ATP8B3: variants seen among roughly 807,000 people sequenced by gnomAD.
The protein encoded by ATP8B3 is phospholipid-transporting ATPase IK.
A neutral mutation model predicts 140.9 loss-of-function variants in ATP8B3; 141 were observed. That is an observed-to-expected ratio of 1.00 (90% CI 0.87 to 1.15). ATP8B3 has a LOEUF of 1.15. Ranked by LOEUF, ATP8B3 falls within the 50% of genes most tolerant of loss-of-function variation. ATP8B3 has a pLI of 0.00. For synonymous variants in ATP8B3, 765 were observed against 714.6 expected (o/e 1.07, Z -1.13); for missense variants, 1,874 against 1,740.6 (o/e 1.08, Z -1.36).
rs577773741 is a variant in ATP8B3 at position 1,791,763 on chromosome 19, G to A, written c.2289C>T (p.Thr763=). Reference sequence around the variant, plus strand: ...CCCGGGACTCACCCTGCTTGTCCCCGGTGAGCACCCATATTTTGATGTTGC... The same window carrying A: ...CCCGGGACTCACCCTGCTTGTCCCCAGTGAGCACCCATATTTTGATGTTGC... ...KKSNIKIWVL[T]GDKQETAVNI... Residue 763 remains threonine (T), a synonymous_variant, in exon 20 of 29, where the codon ACC becomes ACT. Coordinates refer to ENST00000310127, the MANE Select transcript of ATP8B3 (RefSeq NM_138813.4). 58 of 1,611,132 alleles carry A rather than the reference G, an allele frequency of 3.6e-5. No individual in the cohort carries two copies. Among genetic ancestry groups the A allele is most frequent in the African/African-American group, 2.1e-4 (16 of 75,008 alleles).
chr19:1,791,351 A>G (rs977271360), intron 20 of ATP8B3, among the ~76,000 whole-genome samples: 3 of 149,928 alleles, frequency 2.0e-5, no homozygotes, highest in Non-Finnish European at 3.0e-5. Context: ...AGCTGAGACC[A>G]CAAGCATGTG....
In ATP8B3 at chr19:1,807,172, T is replaced by A. The variant is rs1336414537; in HGVS notation, c.611A>T (p.Asp204Val). ...GCTGCATCCAACAGCACTCACCATGTCGTCCACCAGGTCCCGGGTGGCACG... is the reference window on the plus strand; with the variant it reads ...GCTGCATCCAACAGCACTCACCATGACGTCCACCAGGTCCCGGGTGGCACG... Reference protein sequence around the residue: ...FIRATRDLVDDMGRHKSDRAI... With the variant: ...FIRATRDLVDVMGRHKSDRAI... Residue 204 changes from aspartate to valine, a missense_variant, in exon 6 of 29, where the codon GAC becomes GTC. Asp to Val is a radical substitution (Grantham distance 152, BLOSUM62 -3). Transcript: ENST00000310127. The surrounding 1 kb of genome is among the most constrained non-coding windows in gnomAD (Gnocchi z 5.9). The A allele has an allele frequency of 6.2e-7, 1 of 1,611,532 alleles. No homozygotes were observed.
At chr19:1,808,195 C>A (rs745342369) in intron 5 of ATP8B3, 27 bp downstream of exon 5, 5 of 1,570,304 alleles carry the variant, frequency 3.2e-6, no homozygotes, top group East Asian at 2.3e-5. Context: ...CTAGGGGGGA[C>A]TTCCTGGAGG....
rs369881219 is a variant in ATP8B3 at position 1,783,180 on chromosome 19, T to C, written c.3751A>G (p.Ser1251Gly). The change falls in exon 29 of 29, where the codon AGC becomes GGC. Residue 1251 changes from serine (S) to glycine (G), a missense_variant. This residue lies in a region of ATP8B3 where 840 missense variants were observed against 760.9 expected (regional missense o/e 1.10). Coordinates refer to ENST00000310127, the MANE Select transcript of ATP8B3 (RefSeq NM_138813.4). Reference protein sequence around the residue: ...VHRESRARRSSYAFSHREGYA... With the variant: ...VHRESRARRSGYAFSHREGYA... ...CCCTCACGGTGGGAGAAAGCATAGC[T>C]GGAACGGCGGGCACGAGACTCCCGG... is the stretch of plus-strand genomic sequence containing the variant. 5.8e-5 allele frequency: 93 copies of C among 1,613,508 alleles called. No homozygotes were observed. Among genetic ancestry groups the C allele is most frequent in the Non-Finnish European group, 7.7e-5 (91 of 1,179,802 alleles).
At chr19:1,804,594 C>A (rs1337733648) in intron 10 of ATP8B3, among the ~76,000 whole-genome samples, 2 of 148,038 alleles carry the variant, frequency 1.4e-5, no homozygotes, top group African/African-American at 2.5e-5. Flanking sequence ...GGCAACAGAG[C>A]GAGACTCCGT....
intron 20 of ATP8B3, 84 bp from the exon 21 acceptor site, chr19:1,790,916 C>T: frequency 8.7e-6 from 11 of 1,262,524 alleles, no homozygotes; most frequent in Non-Finnish European, 1.2e-5. Flanking sequence ...CCGGTGAATC[C>T]TGGCCCGACC....
intron 2 of ATP8B3, among the ~76,000 whole-genome samples, 162 bp from the exon 3 acceptor site, chr19:1,810,845 CTG>C (rs2069168829): frequency 1.3e-5 from 2 of 152,214 alleles, no homozygotes; most frequent in Non-Finnish European, 2.9e-5. Context: ...CAGCCATAGG[CTG>C]TGTGTCTTGC....
Position 1,799,951 on chromosome 19 carries a change from G to T in ATP8B3, c.1548C>A (p.Val516=). 2 of 1,593,958 alleles carry T rather than the reference G, an allele frequency of 1.3e-6. No homozygotes were observed. Among genetic ancestry groups the T allele is most frequent in the South Asian group, 1.1e-5 (1 of 87,930 alleles). ...GCTCAGGTGTCGGGGCCGCACCATAGACGCGGCCGCTGATGCAGCACTTGT... is the reference window on the plus strand; with the variant it reads ...GCTCAGGTGTCGGGGCCGCACCATATACGCGGCCGCTGATGCAGCACTTGT... ...TFNKCCISGR[V]YGPDSEATTR... is the part of the protein sequence containing the mutation. The change falls in exon 14 of 29, where the codon GTC becomes GTA. Residue 516 remains valine, a synonymous_variant. Coordinates refer to ENST00000310127, the MANE Select transcript of ATP8B3 (RefSeq NM_138813.4).
At chr19:1,801,309 G>A (rs970327069) in intron 12 of ATP8B3, among the ~76,000 whole-genome samples, 39 of 151,868 alleles carry the variant, frequency 2.6e-4, no homozygotes, top group Non-Finnish European at 3.5e-4. Context: ...GAGCCACCAC[G>A]CCCAGCTAAT....
chr19:1,785,163 A>C lies in ATP8B3; in HGVS notation c.3528T>G (p.Phe1176Leu), dbSNP rs2068264141. The change falls in exon 27 of 29, where the codon TTT becomes TTG. Residue 1176 changes from phenylalanine to leucine, a missense_variant. Phe to Leu is a conservative substitution (Grantham distance 22). Around this residue, in one of 3 missense-constraint regions of ATP8B3, gnomAD observed 840 missense variants for 760.9 expected, o/e 1.10. Transcript: ENST00000310127. ...LFRVSPTTFPFLYADLSVMSS... is the reference protein window; with the variant it reads ...LFRVSPTTFPLLYADLSVMSS... The stretch of plus-strand genomic sequence containing the variant: ...CACTTCCCCATGGGGGCTCACACAG[A>C]AACGGGAAGGTCGTGGGGGATACTC... 10 of 1,571,512 alleles carry C rather than the reference A, an allele frequency of 6.4e-6. No individual in the cohort carries two copies. The highest frequency in any genetic ancestry group is 8.6e-6 in the Non-Finnish European group (10 of 1,160,238).
chr19:1,786,127 G>A (rs1022690770), intron 25 of ATP8B3, among the ~76,000 whole-genome samples: 13 of 152,078 alleles, frequency 8.5e-5, no homozygotes, highest in African/African-American at 2.7e-4. Context: ...ATGGGACCTC[G>A]TCTACAGAAT....
Position 1,787,162 on chromosome 19 carries a change from C to G in ATP8B3, c.3094G>C (p.Ala1032Pro). 2 of 1,610,730 alleles carry G rather than the reference C, an allele frequency of 1.2e-6. No individual in the cohort carries two copies. Among genetic ancestry groups the G allele is most frequent in the Non-Finnish European group, 1.7e-6 (2 of 1,178,404 alleles). ...GTGCTGTACAGGAGGTTGAAAAGAG[C>G]CAGGAACCATCCTTCATACAGGGGC... ...GQPLYEGWFL[A>P]LFNLLYSTLP... The change falls in exon 25 of 29, where the codon GCT becomes CCT. Residue 1032 changes from alanine (A) to proline (P), a missense_variant. Ala to Pro is a conservative substitution (Grantham distance 27). Coordinates refer to ENST00000310127, the MANE Select transcript of ATP8B3 (RefSeq NM_138813.4).
In ATP8B3 at chr19:1,792,143, C is replaced by A; in HGVS notation, c.2056-8G>T. 1 of 1,566,606 alleles carries A rather than the reference C, an allele frequency of 6.4e-7. No individual in the cohort carries two copies. The highest frequency in any genetic ancestry group is 8.6e-7 in the Non-Finnish European group (1 of 1,164,018). On this transcript the variant is annotated splice_region_variant and splice_polypyrimidine_tract_variant and intron_variant, in intron 18 of 28. Transcript: ENST00000310127. Reference sequence around the variant, plus strand: ...GGTCTCCTGGGCAAAGGCCTGGGGGCCGGGCAGGTGGAAGCTGTCACCATG... The same window carrying A: ...GGTCTCCTGGGCAAAGGCCTGGGGGACGGGCAGGTGGAAGCTGTCACCATG...
Position 1,789,511 on chromosome 19 carries a change from A to G in ATP8B3, c.2695T>C (p.Phe899Leu), listed in dbSNP as rs752859958. 6.3e-7 allele frequency: 1 copy of G among 1,598,014 alleles called. No homozygotes were observed. The highest frequency in any genetic ancestry group is 2.2e-5 in the East Asian group (1 of 44,708). Residue 899 changes from phenylalanine (F) to leucine (L), a missense_variant, in exon 23 of 29, where the codon TTC (phenylalanine) becomes CTC (leucine). Physicochemically the swap from Phe to Leu is conservative, Grantham distance 22. Coordinates refer to ENST00000310127, the MANE Select transcript of ATP8B3 (RefSeq NM_138813.4). ...TGGCACTTGGACGCCAGGTCCACGA[A>G]GGCGCGCTCCTGCAGCACCTCGGAG... The part of the protein sequence containing the change: ...RSSEVLQERA[F>L]VDLASKCQAV...
In ATP8B3 at chr19:1,785,387, T is replaced by C. The variant is rs901617638; in HGVS notation, c.3393+82A>G. 8.7e-5 allele frequency: 135 copies of C among 1,559,030 alleles called. 1 individual carries two copies. Among genetic ancestry groups the C allele is most frequent in the Non-Finnish European group, 7.2e-5 (83 of 1,151,442 alleles). On this transcript the variant is annotated intron_variant, in intron 26 of 28. Coordinates refer to ENST00000310127, the MANE Select transcript of ATP8B3 (RefSeq NM_138813.4). ...GGGGTCCAGGAAGGGCACCTGGCAA[T>C]GCCCCCAAAGCAGGGGTCCCCAGGG...
In ATP8B3 at chr19:1,811,890, G is replaced by C. The variant is rs1460940286; in HGVS notation, c.-148-6C>G. On this transcript the variant is annotated splice_region_variant and splice_polypyrimidine_tract_variant and intron_variant, in intron 1 of 28. Transcript: ENST00000310127. ...AGAATCCACTCGAAGTGTATCTGGGGGCAGAAAGAGACACGGACACAGCGC... is the reference window on the plus strand; with the variant it reads ...AGAATCCACTCGAAGTGTATCTGGGCGCAGAAAGAGACACGGACACAGCGC... 3 of 841,652 alleles carry C rather than the reference G, an allele frequency of 3.6e-6. No individual in the cohort carries two copies. Among genetic ancestry groups the C allele is most frequent in the Middle Eastern group, 3.6e-4 (1 of 2,794 alleles). 52.1% of individuals were successfully genotyped at this position (841,652 alleles called of 1,614,324 possible).
chr19:1,789,977 CTCCAGGATGCGGCTGCGGGGCGCAGGGG>C lies in ATP8B3; in HGVS notation c.2379-16_2390del. The C allele has an allele frequency of 6.2e-7, 1 of 1,611,710 alleles. No individual in the cohort carries two copies. The highest frequency in any genetic ancestry group is 8.5e-7 in the Non-Finnish European group (1 of 1,179,368). On this transcript the variant is annotated splice_acceptor_variant and splice_polypyrimidine_tract_variant and coding_sequence_variant and intron_variant, in exon 22 of 29. Transcript: ENST00000310127. LOFTEE classifies it high-confidence loss of function. ...GGTTGTTACTGTTTTCCCAGTAGGT[CTCCAGGATGCGGCTGCGGGGCGCAGGGG>C]TCAGCGGGGCAGGGGAGGGGGCGGG...
In ATP8B3 at chr19:1,785,316, G is replaced by A. The variant is rs1224914865; in HGVS notation, c.3394-19C>T. ...GAATGACCTGGACAGGCAGCGGTGG[G>A]GTAAATCCGGGGCCTAGCGGGGCTT... On this transcript the variant is annotated intron_variant, in intron 26 of 28. Coordinates refer to ENST00000310127, the MANE Select transcript of ATP8B3 (RefSeq NM_138813.4). 6.3e-7 allele frequency: 1 copy of A among 1,576,758 alleles called. No homozygotes were observed. Among genetic ancestry groups the A allele is most frequent in the Admixed American group, 1.8e-5 (1 of 55,488 alleles).
intron 1 of ATP8B3, 109 bp from the exon 2 acceptor site, chr19:1,811,993 G>T (rs1052111984): frequency 3.2e-5 from 17 of 529,222 alleles, no homozygotes; most frequent in African/African-American, 5.8e-5. Flanking sequence ...AGCCGCAGGG[G>T]CACAGGACCG....
Sources: allele counts gnomAD v4.1 joint callset (sites outside exome capture counted in the v4.1 genomes callset), GRCh38; gene constraint gnomAD v4.1.1; regional missense constraint gnomAD v4.1.1; non-coding constraint Gnocchi (gnomAD v3.1); transcripts MANE v1.5; gene names NCBI Gene and HGNC (gene_info 2026-07-23, HGNC 2026-07-21).